RCBTB2: variants seen among roughly 807,000 people sequenced by gnomAD.
RCBTB2 encodes RCC1 and BTB domain containing protein 2.
In RCBTB2, 55 loss-of-function variants were observed where a neutral mutation model predicts 65.4. The ratio of observed to expected loss-of-function variants is 0.84; its 90% CI spans 0.68 to 1.05. The LOEUF (loss-of-function observed/expected upper bound fraction) is 1.05. Among genes scored for constraint, RCBTB2 ranks in the 50% least tolerant of loss-of-function variants. The pLI is 0.00. For missense variants in RCBTB2, 599 were observed against 680.1 expected (o/e 0.88, Z 1.33); for synonymous variants, 220 against 255.2 (o/e 0.86, Z 1.31).
chr13:48,510,854 T>C (rs1185210518), intron 9 of RCBTB2, 83 bp from the exon 10 acceptor site: 2 of 1,419,954 alleles, frequency 1.4e-6, no homozygotes, highest in East Asian at 2.4e-5. Context: ...GAATCAAAAA[T>C]GAAAAAAAAA....
chr13:48,491,847 C>G (rs1472084331), intron 14 of RCBTB2: 3 of 152,144 alleles, frequency 2.0e-5, no homozygotes, highest in Non-Finnish European at 4.4e-5. Flanking sequence ...AAGGACAGGA[C>G]TTGGAAAGAG....
chr13:48,527,361 T>TATATTATATATATATATGATATA, intron 1 of RCBTB2, among the ~76,000 whole-genome samples: 1 of 112,444 alleles, frequency 8.9e-6, no homozygotes, highest in African/African-American at 5.5e-5. Context: ...TGATATATAT[T>TATATTATATATATATATGATATA]TATATATGAT....
Position 48,490,048 on chromosome 13 carries a change from G to A in RCBTB2, c.*63C>T. ...CATACATACTATTAATTAAAGAGAA[G>A]TGATTCATCTCTGGCTTTTGCAGGG... On this transcript the variant is annotated 3_prime_UTR_variant, in exon 15 of 15. Coordinates refer to ENST00000344532, the MANE Select transcript of RCBTB2 (RefSeq NM_001268.4). 6.4e-7 allele frequency: 1 copy of A among 1,551,976 alleles called. No individual in the cohort carries two copies. The highest frequency in any genetic ancestry group is 1.7e-4 in the Middle Eastern group (1 of 5,930).
chr13:48,505,054 T>C (rs527734668), intron 10 of RCBTB2, among the ~76,000 whole-genome samples: 18 of 151,672 alleles, frequency 1.2e-4, no homozygotes, highest in Admixed American at 5.9e-4. Context: ...TTCTTTCTTT[T>C]TTTTTTTTTT....
chr13:48,495,256 C>G (rs758566434), intron 14 of RCBTB2, among the ~76,000 whole-genome samples: 72 of 151,750 alleles, frequency 4.7e-4, no homozygotes, highest in Non-Finnish European at 8.7e-4. Flanking sequence ...AAAAAATAAG[C>G]AAAGAGAAGA....
At chr13:48,498,658 A>C (rs920017208) in intron 13 of RCBTB2, among the ~76,000 whole-genome samples, 3 of 151,920 alleles carry the variant, frequency 2.0e-5, no homozygotes, top group Admixed American at 6.5e-5. Flanking sequence ...TGAAACCGGG[A>C]GGCGGAGGTT....
chr13:48,491,754 T>A (rs536501489), intron 14 of RCBTB2: 42 of 152,220 alleles, frequency 2.8e-4, no homozygotes, highest in African/African-American at 9.6e-4. Context: ...AATGGGAGAA[T>A]GAAAGGACCC....
chr13:48,528,933 T>C (rs1951953568), intron 1 of RCBTB2, among the ~76,000 whole-genome samples: 2 of 152,300 alleles, frequency 1.3e-5, no homozygotes, highest in Middle Eastern at 3.4e-3. Context: ...AACAGAAAAC[T>C]GTTGTGTAGA....
chr13:48,498,875 C>T (rs1319263841), intron 13 of RCBTB2, among the ~76,000 whole-genome samples: 2 of 152,024 alleles, frequency 1.3e-5, no homozygotes, highest in Non-Finnish European at 2.9e-5. Context: ...CTCAGTGCAG[C>T]CATCCTTCTC....
intron 1 of RCBTB2, among the ~76,000 whole-genome samples, chr13:48,530,979 C>T (rs1952085120): frequency 6.6e-6 from 1 of 152,224 alleles, no homozygotes; most frequent in Non-Finnish European, 1.5e-5. Context: ...TGTTAAACAT[C>T]ACCTTTGGTT....
At chr13:48,518,803 G>A (rs1156877903) in intron 4 of RCBTB2, among the ~76,000 whole-genome samples, 5 of 151,994 alleles carry the variant, frequency 3.3e-5, no homozygotes, top group Admixed American at 6.6e-5. Flanking sequence ...ATTTTGTTAC[G>A]TTAGCTTTTA....
intron 4 of RCBTB2, among the ~76,000 whole-genome samples, chr13:48,521,531 T>A (rs2138607874): frequency 6.6e-6 from 1 of 152,262 alleles, no homozygotes; most frequent in Non-Finnish European, 1.5e-5. Context: ...TGAGAACATA[T>A]CATCTAAGAT....
At chr13:48,522,777 A>G (rs1035801709) in intron 2 of RCBTB2, among the ~76,000 whole-genome samples, 1 of 152,220 alleles carries the variant, frequency 6.6e-6, no homozygotes, top group African/African-American at 2.4e-5. Flanking sequence ...ATTTACTTAA[A>G]TACAATCTAT....
chr13:48,502,878 CG>C lies in RCBTB2; in HGVS notation c.962del (p.Thr321SerfsTer22), dbSNP rs1566275465. 1 of 1,613,956 alleles carries C rather than the reference CG, an allele frequency of 6.2e-7. No homozygotes were observed. The highest frequency in any genetic ancestry group is 1.1e-5 in the South Asian group (1 of 91,064). On this transcript the variant is annotated frameshift_variant, in exon 11 of 15. Transcript: ENST00000344532. LOFTEE classifies it high-confidence loss of function. ...IEIAACHSTHTSAAKTQGGHV... is the reference protein window; with the variant it reads ...IEIAACHSTHXSAAKTQGGHV... ...GCCCACCCTGCGTCTTGGCCGCAGA[CG>C]TGTGTGTGGAGTGACAGGCTGCAAT...
intron 14 of RCBTB2, 46 bp from the exon 15 acceptor site, chr13:48,490,297 T>A (rs1475889867): frequency 6.5e-7 from 1 of 1,536,022 alleles, no homozygotes; most frequent in Non-Finnish European, 9.0e-7. Context: ...TATTTACTAA[T>A]TCAATGCAAC....
Position 48,493,287 on chromosome 13 carries a change from CT to C in RCBTB2, c.1515+2903del, listed in dbSNP as rs1566254295. 3.4e-3 allele frequency among the ~76,000 whole-genome samples: 373 copies of C among 110,456 alleles called. 19 individuals are homozygous for C. The highest frequency in any genetic ancestry group is 0.019 in the African/African-American group (348 of 17,890). 72.5% of individuals were successfully genotyped at this position (110,456 alleles called of 152,430 possible). ...CTTCTCTCTCTCACCCTCTCTCTCTCTCCACACACACACACACACACACACA... is the reference window on the plus strand; with the variant it reads ...CTTCTCTCTCTCACCCTCTCTCTCTCCCACACACACACACACACACACACA... On this transcript the variant is annotated intron_variant, in intron 14 of 14. Transcript: ENST00000344532.
chr13:48,517,877 G>A (rs1216122100), intron 4 of RCBTB2, among the ~76,000 whole-genome samples: 2 of 152,158 alleles, frequency 1.3e-5, no homozygotes, highest in South Asian at 2.1e-4. Context: ...GATGTAATGA[G>A]TTAAGATGGA....
chr13:48,518,472 A>T (rs6561456), intron 4 of RCBTB2, among the ~76,000 whole-genome samples: 10,375 of 116,124 alleles, frequency 0.089, 440 homozygotes, highest in Non-Finnish European at 0.11. Flanking sequence ...AAAAAAAAAA[A>T]ATATATATAT....
chr13:48,528,376 C>T (rs9591168), intron 1 of RCBTB2, among the ~76,000 whole-genome samples: 2,044 of 152,250 alleles, frequency 0.013, 50 homozygotes, highest in African/African-American at 0.047. Context: ...AACTCTAAAG[C>T]TATGCTTGAG....
Sources: allele counts gnomAD v4.1 joint callset (sites outside exome capture counted in the v4.1 genomes callset), GRCh38; gene constraint gnomAD v4.1.1; transcripts MANE v1.5; gene names NCBI Gene and HGNC (gene_info 2026-07-23, HGNC 2026-07-21).